The following THAP8 variants were observed in gnomAD, a reference collection of about 807,000 sequenced individuals.
The protein encoded by THAP8 is THAP domain containing 8.
A neutral mutation model predicts 25.0 loss-of-function variants in THAP8; 24 were observed. The ratio of observed to expected loss-of-function variants is 0.96; its 90% CI spans 0.69 to 1.35. The LOEUF (loss-of-function observed/expected upper bound fraction) is 1.35, where lower values mean the gene tolerates loss of function less well. Ranked by LOEUF, THAP8 falls within the 40% of genes most tolerant of loss-of-function variation. The pLI, the probability that THAP8 is intolerant of heterozygous loss-of-function variation, is 0.00. For synonymous variants in THAP8, 169 were observed against 157.6 expected, an observed-to-expected ratio of 1.07 and a Z score of -0.54; for missense variants, 399 against 368.8, an observed-to-expected ratio of 1.08 and a Z score of -0.67.
At chr19:36,048,844 A>C (rs1256732175) in intron 1 of THAP8, among the ~76,000 whole-genome samples, 1 of 119,416 alleles carries the variant, frequency 8.4e-6, no homozygotes, top group African/African-American at 3.2e-5. Context: ...CCTTCTTTAA[A>C]AAAAAAAAAA....
rs940663590 is a variant in THAP8 at position 36,035,377 on chromosome 19, C to T, written c.*63G>A. 57 of 1,554,166 alleles carry T rather than the reference C, an allele frequency of 3.7e-5. No individual in the cohort carries two copies. The Middle Eastern group carries it at 1.7e-3, about 46-fold the overall frequency. On this transcript the variant is annotated 3_prime_UTR_variant, in exon 4 of 4. Transcript: ENST00000292894. ...GGGCGGTGGGGCTGGGCCAAGCCCA[C>T]GTATAATGTCTTTCCTCCTCCATCT...
intron 1 of THAP8, among the ~76,000 whole-genome samples, chr19:36,047,603 T>C (rs1283630870): frequency 6.6e-6 from 1 of 152,142 alleles, no homozygotes; most frequent in Admixed American, 6.5e-5. Flanking sequence ...GGGAGGATCA[T>C]TTAAGGCCAG....
chr19:36,049,180 G>T (rs776224897), intron 1 of THAP8, among the ~76,000 whole-genome samples: 6 of 151,632 alleles, frequency 4.0e-5, no homozygotes, highest in Non-Finnish European at 7.4e-5. Context: ...TTGTTAAGCT[G>T]ATTTAACATT....
At position 36,035,595 on chromosome 19, in the gene THAP8, A is replaced by C; in HGVS notation, c.673-3T>G. Reference sequence around the variant, plus strand: ...GGTCCAAGGGTCTGGGCTGTTGTCTAAGGCAAAGAAGTGGTAGAGATGGGG... The same window carrying C: ...GGTCCAAGGGTCTGGGCTGTTGTCTCAGGCAAAGAAGTGGTAGAGATGGGG... On this transcript the variant is annotated splice_polypyrimidine_tract_variant and splice_region_variant and intron_variant, in intron 3 of 3. Transcript: ENST00000292894. The C allele has an allele frequency of 6.2e-7, 1 of 1,612,104 alleles. No homozygotes were observed. The highest frequency in any genetic ancestry group is 8.5e-7 in the Non-Finnish European group (1 of 1,178,632).
In THAP8 at chr19:36,054,136, T is replaced by G; in HGVS notation, c.82A>C (p.Lys28Gln). ...GADNRPVSFY[K>Q]FPLKDGPRLQ... Reference sequence around the variant, plus strand: ...AGCCCCGCCCCGCGCTGCGCTCACTTGTAGAAGCTCACAGGGCGGTTGTCT... The same window carrying G: ...AGCCCCGCCCCGCGCTGCGCTCACTGGTAGAAGCTCACAGGGCGGTTGTCT... Residue 28 changes from lysine (K) to glutamine (Q), a missense_variant and splice_region_variant, in exon 1 of 4, where the codon AAG becomes CAG. Coordinates refer to ENST00000292894, the MANE Select transcript of THAP8 (RefSeq NM_152658.3). The G allele has an allele frequency of 6.2e-7, 1 of 1,612,940 alleles. No homozygotes were observed. Among genetic ancestry groups the G allele is most frequent in the Non-Finnish European group, 8.5e-7 (1 of 1,179,730 alleles).
intron 1 of THAP8, among the ~76,000 whole-genome samples, chr19:36,053,068 A>G (rs1970106698): frequency 6.6e-6 from 1 of 151,874 alleles, no homozygotes; most frequent in Non-Finnish European, 1.5e-5. Flanking sequence ...CTCTTTAAAA[A>G]CAAAATTTTT....
intron 1 of THAP8, among the ~76,000 whole-genome samples, chr19:36,052,185 C>T (rs185040845): frequency 6.6e-6 from 1 of 152,164 alleles, no homozygotes. Flanking sequence ...GCTGGGATTA[C>T]AGGCATGTGC....
chr19:36,054,151 G>A lies in THAP8; in HGVS notation c.67C>T (p.Pro23Ser), dbSNP rs551989294. 5.6e-6 allele frequency: 9 copies of A among 1,613,860 alleles called. 1 individual carries two copies. The South Asian group carries it at 6.6e-5, about 12-fold the overall frequency. ...TGCGCTCACTTGTAGAAGCTCACAG[G>A]GCGGTTGTCTGCACCCAGGCGGCCC... The part of the protein sequence containing the change: ...TAGRLGADNR[P>S]VSFYKFPLKD... Residue 23 changes from proline to serine, a missense_variant, in exon 1 of 4, where the codon CCT (proline) becomes TCT (serine). Transcript: ENST00000292894.
At chr19:36,036,894 T>TCGCAC (rs1052817440) in intron 3 of THAP8, among the ~76,000 whole-genome samples, 1 of 143,714 alleles carries the variant, frequency 7.0e-6, no homozygotes, top group Admixed American at 7.2e-5. Context: ...TGAGCTGAGA[T>TCGCAC]CGCACCACTC....
chr19:36,048,163 T>C (rs986449079), intron 1 of THAP8, among the ~76,000 whole-genome samples: 7 of 152,170 alleles, frequency 4.6e-5, no homozygotes, highest in African/African-American at 1.7e-4. Context: ...CAAATAGGGA[T>C]AGTTTATTCA....
chr19:36,048,870 A>C (rs1315571963), intron 1 of THAP8, among the ~76,000 whole-genome samples: 1 of 148,626 alleles, frequency 6.7e-6, no homozygotes, highest in African/African-American at 2.5e-5. Flanking sequence ...AAAAACAAAA[A>C]ACACCTTTGT....
rs181276720 is a variant in THAP8 at position 36,050,428 on chromosome 19, G to A, written c.83+3707C>T. Among the ~76,000 whole-genome samples, 22 of 152,290 alleles carry A rather than the reference G, an allele frequency of 1.4e-4. No individual in the cohort carries two copies. In the East Asian group the frequency reaches 3.9e-3, roughly 27 times the overall value. ...CAAAGTGCTGGGATTACAGGTGTGAGCCACCACGCCCAGCCTATCTTTCCT... is the reference window on the plus strand; with the variant it reads ...CAAAGTGCTGGGATTACAGGTGTGAACCACCACGCCCAGCCTATCTTTCCT... On this transcript the variant is annotated intron_variant, in intron 1 of 3. Coordinates refer to ENST00000292894, the MANE Select transcript of THAP8 (RefSeq NM_152658.3).
Position 36,039,795 on chromosome 19 carries a change from T to G in THAP8, c.277-77A>C, listed in dbSNP as rs1969621641. On this transcript the variant is annotated intron_variant, in intron 2 of 3. Coordinates refer to ENST00000292894, the MANE Select transcript of THAP8 (RefSeq NM_152658.3). ...GGAGGAAAGGGATGGAGGGTCTGTT[T>G]CCAAGGGGGACTTGCCTAGGTAAGG... The G allele has an allele frequency of 2.7e-6, 4 of 1,499,574 alleles. No individual in the cohort carries two copies. The African/African-American group carries it at 5.6e-5, about 21-fold the overall frequency. 92.9% of individuals were successfully genotyped at this position (1,499,574 alleles called of 1,614,324 possible).
chr19:36,048,446 A>G (rs1599726263), intron 1 of THAP8, among the ~76,000 whole-genome samples: 1 of 150,862 alleles, frequency 6.6e-6, no homozygotes, highest in Non-Finnish European at 1.5e-5. Context: ...GCTGACTGCA[A>G]CCTCCGCCTC....
chr19:36,049,575 G>C (rs1462902567), intron 1 of THAP8, among the ~76,000 whole-genome samples: 4 of 152,206 alleles, frequency 2.6e-5, no homozygotes, highest in African/African-American at 9.6e-5. Flanking sequence ...GGTAGGCCCT[G>C]AGGTGGAAAT....
intron 1 of THAP8, among the ~76,000 whole-genome samples, chr19:36,047,163 T>A (rs1969907700): frequency 6.6e-6 from 1 of 152,240 alleles, no homozygotes. Context: ...TTGTATAAAC[T>A]ATTTTAGTCT....
chr19:36,050,672 T>A (rs182173612), intron 1 of THAP8, among the ~76,000 whole-genome samples: 1 of 152,352 alleles, frequency 6.6e-6, no homozygotes, highest in East Asian at 1.9e-4. Context: ...CACCTATCCA[T>A]GAGCTCTGTC....
Position 36,035,341 on chromosome 19 carries a change from T to C in THAP8, c.*99A>G. The C allele has an allele frequency of 6.9e-7, 1 of 1,459,576 alleles. No homozygotes were observed. The highest frequency in any genetic ancestry group is 9.2e-7 in the Non-Finnish European group (1 of 1,083,780). 90.4% of individuals were successfully genotyped at this position (1,459,576 alleles called of 1,614,324 possible). A position where few individuals can be genotyped will look rare whatever the true frequency, so the allele number is the denominator to read the frequency against. On this transcript the variant is annotated 3_prime_UTR_variant, in exon 4 of 4. Transcript: ENST00000292894. ...AGGCCCTTGAGGGAGGCACTGCTAC[T>C]ACCCAGGCGTGGGCGGTGGGGCTGG...
chr19:36,046,859 G>A (rs980210149), intron 1 of THAP8, among the ~76,000 whole-genome samples: 2 of 152,194 alleles, frequency 1.3e-5, no homozygotes, highest in Non-Finnish European at 2.9e-5. Context: ...GCTGGCTGGG[G>A]CGTGTGACTA....
Sources: gnomAD v4.1 joint callset for allele counts (sites outside exome capture counted in the v4.1 genomes callset) on GRCh38, gnomAD v4.1.1 for gene constraint, MANE v1.5 for transcripts, NCBI Gene and HGNC (gene_info 2026-07-23, HGNC 2026-07-21) for gene names.